Variants in VWC2 observed in about 807,000 individuals in gnomAD.
VWC2 encodes the protein von Willebrand factor C domain containing 2.
VWC2 carries 14 observed loss-of-function variants against 29.8 expected under a neutral mutation model. The ratio of observed to expected loss-of-function variants is 0.47; its 90% CI spans 0.31 to 0.74. VWC2 has a LOEUF of 0.74. Among genes scored for constraint, VWC2 ranks in the 30% least tolerant of loss-of-function variants. The pLI is 0.05. For missense variants in VWC2, 457 were observed against 459.8 expected, an observed-to-expected ratio of 0.99 and a Z score of 0.05; for synonymous variants, 213 against 199.0, an observed-to-expected ratio of 1.07 and a Z score of -0.59.
chr7:49,802,978 G>A, intron 3 of VWC2, 138 bp downstream of exon 3: 2 of 1,102,962 alleles, frequency 1.8e-6, no homozygotes, highest in Non-Finnish European at 1.3e-6. Flanking sequence ...ACACACGTGT[G>A]TAATCTTTCA....
rs562618170 is a variant in VWC2, at chr7:49,884,961, A to G, written c.827-27073A>G. On this transcript the variant is annotated intron_variant, in intron 3 of 3. Transcript: ENST00000340652. ...ATAATAGTTTCTAACAAGTCAAATAAAAAGATGAAAAGTATCAAATTTTTG... is the reference window on the plus strand; with the variant it reads ...ATAATAGTTTCTAACAAGTCAAATAGAAAGATGAAAAGTATCAAATTTTTG... Among the ~76,000 whole-genome samples, 238 of 152,260 alleles carry G rather than the reference A, an allele frequency of 1.6e-3. 1 individual carries two copies. The highest frequency in any genetic ancestry group is 4.7e-3 in the African/African-American group (197 of 41,576).
intron 3 of VWC2, among the ~76,000 whole-genome samples, chr7:49,874,197 C>G (rs991368776): frequency 1.3e-5 from 2 of 152,166 alleles, no homozygotes; most frequent in East Asian, 1.9e-4. Flanking sequence ...CACACACACA[C>G]AGTCATGTGC....
rs140305603 is a variant in VWC2 at position 49,843,769 on chromosome 7, C to A, written c.826+40929C>A. The stretch of plus-strand genomic sequence containing the variant: ...CGAAGATTTGAAATGTTGCCCCCAG[C>A]GCTACAGGGCATTGTGCAAGGACTT... On this transcript the variant is annotated intron_variant, in intron 3 of 3. Coordinates refer to ENST00000340652, the MANE Select transcript of VWC2 (RefSeq NM_198570.5). Among the ~76,000 whole-genome samples the A allele has an allele frequency of 3.1e-3, 467 of 152,264 alleles. 1 individual carries two copies. Among genetic ancestry groups the A allele is most frequent in the African/African-American group, 0.01 (429 of 41,552 alleles).
At chr7:49,893,475 T>C (rs1190889448) in intron 3 of VWC2, among the ~76,000 whole-genome samples, 1 of 152,236 alleles carries the variant, frequency 6.6e-6, no homozygotes, top group Non-Finnish European at 1.5e-5. Flanking sequence ...AGTCCCTCTT[T>C]AAAAACTTTT....
intron 2 of VWC2, among the ~76,000 whole-genome samples, chr7:49,789,154 T>A (rs141116271): frequency 3.5e-4 from 51 of 145,300 alleles, no homozygotes; most frequent in African/African-American, 1.3e-3. Context: ...AGAATGTGAG[T>A]GTGGCTGTAT....
Position 49,918,512 on chromosome 7 carries a change from C to G in VWC2, c.*6327C>G, listed in dbSNP as rs138479799. The G allele has an allele frequency of 2.0e-5, 3 of 152,202 alleles. No homozygotes were observed. In the East Asian group the frequency reaches 5.8e-4, roughly 29 times the overall value. 9.4% of individuals were successfully genotyped at this position (152,202 alleles called of 1,614,324 possible). The stretch of plus-strand genomic sequence containing the variant: ...AAATGCTTATGCTATATTTTGTTTC[C>G]TAAATCTAGAGATCTCTTTTTAAAA... On this transcript the variant is annotated 3_prime_UTR_variant, in exon 4 of 4. Transcript: ENST00000340652.
chr7:49,794,095 G>A (rs1788526521), intron 2 of VWC2, among the ~76,000 whole-genome samples: 1 of 152,128 alleles, frequency 6.6e-6, no homozygotes, highest in South Asian at 2.1e-4. Context: ...CTGAAGACTG[G>A]AAGAGAAGCA....
Position 49,775,467 on chromosome 7 carries a change from C to T in VWC2, c.32C>T (p.Ala11Val). 1 of 1,493,732 alleles carries T rather than the reference C, an allele frequency of 6.7e-7. No individual in the cohort carries two copies. Among genetic ancestry groups the T allele is most frequent in the Non-Finnish European group, 8.9e-7 (1 of 1,125,330 alleles). The allele number at this position is 1,493,732 out of a possible 1,614,324, so 92.5% of individuals were successfully genotyped here. A position where few individuals can be genotyped will look rare whatever the true frequency, so the allele number is the denominator to read the frequency against. ...AGCTCCACTGCGATGGCAGTTGGCG[C>T]GCTCTCCAGTTCCCTCCTGGTCACC... is the stretch of plus-strand genomic sequence containing the variant. MPSSTAMAVG[A>V]LSSSLLVTCC... The change falls in exon 2 of 4, where the codon GCG becomes GTG. Residue 11 changes from alanine (A) to valine (V), a missense_variant. Coordinates refer to ENST00000340652, the MANE Select transcript of VWC2 (RefSeq NM_198570.5).
intron 3 of VWC2, among the ~76,000 whole-genome samples, chr7:49,851,984 G>C (rs1790198744): frequency 6.6e-6 from 1 of 152,204 alleles, no homozygotes; most frequent in South Asian, 2.1e-4. Flanking sequence ...AGTGAAGATG[G>C]CATCCTCATC....
Position 49,913,972 on chromosome 7 carries a change from A to G in VWC2, c.*1787A>G, listed in dbSNP as rs1793592497. 6.6e-6 allele frequency: 1 copy of G among 152,210 alleles called. No individual in the cohort carries two copies. Among genetic ancestry groups the G allele is most frequent in the Non-Finnish European group, 1.5e-5 (1 of 68,032 alleles). The allele number at this position is 152,210 out of a possible 1,614,324, so 9.4% of individuals were successfully genotyped here. On this transcript the variant is annotated 3_prime_UTR_variant, in exon 4 of 4. Coordinates refer to ENST00000340652, the MANE Select transcript of VWC2 (RefSeq NM_198570.5). ...CTTGAGCCAAAGGAACTACCAGTAC[A>G]TAGATTTCATGAAAATACTCAGGGG...
chr7:49,851,108 G>A (rs1790161377), intron 3 of VWC2, among the ~76,000 whole-genome samples: 1 of 152,142 alleles, frequency 6.6e-6, no homozygotes, highest in African/African-American at 2.4e-5. Flanking sequence ...CCTCTCTCCT[G>A]GCTCCTAGTG....
chr7:49,852,820 T>A (rs1423777269), intron 3 of VWC2, among the ~76,000 whole-genome samples: 1 of 152,208 alleles, frequency 6.6e-6, no homozygotes, highest in African/African-American at 2.4e-5. Context: ...TGGCCATGAC[T>A]TGGACTCCGT....
In VWC2 at chr7:49,919,946, A is replaced by T. The variant is rs1368586829; in HGVS notation, c.*7761A>T. ...TTATGGCCAACTGATACCTTAAAAT[A>T]TTTGTTACAAATAACACTGAAGTGA... On this transcript the variant is annotated 3_prime_UTR_variant, in exon 4 of 4. Transcript: ENST00000340652. The T allele has an allele frequency of 6.6e-6, 1 of 152,234 alleles. No individual in the cohort carries two copies. Among genetic ancestry groups the T allele is most frequent in the African/African-American group, 2.4e-5 (1 of 41,460 alleles). The allele number at this position is 152,234 out of a possible 1,614,324, so 9.4% of individuals were successfully genotyped here.
intron 3 of VWC2, among the ~76,000 whole-genome samples, chr7:49,883,238 A>G (rs963645340): frequency 6.6e-6 from 1 of 152,218 alleles, no homozygotes; most frequent in African/African-American, 2.4e-5. Flanking sequence ...AACCTAACCC[A>G]GGGAGGCGTC....
chr7:49,891,156 G>T (rs1792110603), intron 3 of VWC2, among the ~76,000 whole-genome samples: 2 of 152,132 alleles, frequency 1.3e-5, no homozygotes, highest in African/African-American at 4.8e-5. Context: ...AATGTTGAAT[G>T]TAAAAAGATA....
chr7:49,841,911 G>C (rs1226429022), intron 3 of VWC2, among the ~76,000 whole-genome samples: 3 of 151,756 alleles, frequency 2.0e-5, no homozygotes, highest in Non-Finnish European at 4.4e-5. Context: ...TTATTGCCCA[G>C]ACTGCAGTGC....
chr7:49,857,879 G>C (rs1447521372), intron 3 of VWC2, among the ~76,000 whole-genome samples: 1 of 152,136 alleles, frequency 6.6e-6, no homozygotes, highest in Non-Finnish European at 1.5e-5. Context: ...TCTGAAAGTG[G>C]TGGTGAGGGC....
chr7:49,850,974 C>T (rs1790154556), intron 3 of VWC2, among the ~76,000 whole-genome samples: 1 of 152,206 alleles, frequency 6.6e-6, no homozygotes, highest in Admixed American at 6.5e-5. Context: ...AACCTGAGAA[C>T]CTGAGTGGCT....
chr7:49,849,757 G>T (rs767955074), intron 3 of VWC2, among the ~76,000 whole-genome samples: 3 of 152,196 alleles, frequency 2.0e-5, no homozygotes, highest in Non-Finnish European at 4.4e-5. Context: ...CACTTATTCT[G>T]CTCTCTGAGA....
Sources: allele counts gnomAD v4.1 joint callset (sites outside exome capture counted in the v4.1 genomes callset), GRCh38; gene constraint gnomAD v4.1.1; transcripts MANE v1.5; gene names NCBI Gene and HGNC (gene_info 2026-07-23, HGNC 2026-07-21).